RBFOX1: variants seen among roughly 807,000 people sequenced by gnomAD.
RBFOX1 encodes RNA binding protein fox-1 homolog 1.
In RBFOX1, 8 loss-of-function variants were observed where a neutral mutation model predicts 57.7. The ratio of observed to expected loss-of-function variants is 0.14; its 90% CI spans 0.08 to 0.25. The LOEUF (loss-of-function observed/expected upper bound fraction) is 0.25, where lower values mean the gene tolerates loss of function less well. RBFOX1 is among the 10% of genes least tolerant of loss of function. The pLI is 1.00. For missense variants in RBFOX1, 611 were observed against 548.5 expected (o/e 1.11, Z -1.14); for synonymous variants, 326 against 222.4 (o/e 1.47, Z -4.15).
chr16:5,537,245 TC>T (rs2044737367), intron 2 of RBFOX1, among the ~76,000 whole-genome samples: 1 of 152,210 alleles, frequency 6.6e-6, no homozygotes, highest in Non-Finnish European at 1.5e-5. Context: ...GCTTCTTCTG[TC>T]ACGGTTCTCA....
intron 4 of RBFOX1, among the ~76,000 whole-genome samples, chr16:7,387,954 C>T (rs765125586): frequency 6.6e-6 from 1 of 152,108 alleles, no homozygotes; most frequent in Non-Finnish European, 1.5e-5. Flanking sequence ...CAAAGCATCC[C>T]AGAGCTTAAT....
intron 4 of RBFOX1, among the ~76,000 whole-genome samples, chr16:5,956,456 CA>C (rs2059641354): frequency 6.6e-6 from 1 of 151,150 alleles, no homozygotes; most frequent in Non-Finnish European, 1.5e-5. Context: ...TGGGGAGATG[CA>C]AGTTACTGTA....
intron 3 of RBFOX1, among the ~76,000 whole-genome samples, chr16:6,692,760 C>T (rs566067168): frequency 1.3e-5 from 2 of 152,170 alleles, no homozygotes; most frequent in East Asian, 3.9e-4. Context: ...TTCAACCCAC[C>T]TCTGGTATCA....
chr16:6,712,266 A>G (rs939067102), intron 3 of RBFOX1, among the ~76,000 whole-genome samples: 2 of 152,178 alleles, frequency 1.3e-5, no homozygotes, highest in Non-Finnish European at 2.9e-5. Flanking sequence ...TTAAGTGTCA[A>G]TGCCATCAGT....
chr16:7,407,368 G>A (rs2098361442), intron 4 of RBFOX1, among the ~76,000 whole-genome samples: 1 of 96,592 alleles, frequency 1.0e-5, no homozygotes, highest in African/African-American at 3.4e-5. Flanking sequence ...CAAGGGATTT[G>A]TATGGGTGTG....
chr16:7,380,505 T>C (rs1358057993), intron 4 of RBFOX1, among the ~76,000 whole-genome samples: 1 of 152,234 alleles, frequency 6.6e-6, no homozygotes, highest in East Asian at 1.9e-4. Flanking sequence ...ATCTGTCTGG[T>C]AATCATCTTT....
At chr16:7,175,166 C>T (rs1057394294) in intron 4 of RBFOX1, among the ~76,000 whole-genome samples, 2 of 152,030 alleles carry the variant, frequency 1.3e-5, no homozygotes, top group African/African-American at 4.8e-5. Flanking sequence ...GCCCAGCATG[C>T]ATTAGCTCTT....
intron 1 of RBFOX1, among the ~76,000 whole-genome samples, chr16:6,297,514 C>T (rs1476356893): frequency 6.6e-6 from 1 of 152,076 alleles, no homozygotes; most frequent in Non-Finnish European, 1.5e-5. Flanking sequence ...AACCGAGTTT[C>T]CTGATCTGTA....
At chr16:7,430,995 G>C (rs1295965311) in intron 4 of RBFOX1, among the ~76,000 whole-genome samples, 1 of 152,144 alleles carries the variant, frequency 6.6e-6, no homozygotes, top group African/African-American at 2.4e-5. Context: ...ATGTTGTATG[G>C]TAGTTTTGCT....
rs912365694 is a variant in RBFOX1 at position 6,207,319 on chromosome 16, A to G, written c.-126-109676A>G. The stretch of plus-strand genomic sequence containing the variant: ...ATGGCAGTTAATGCAATCTATAGAA[A>G]GCCATAAATGAGGCTGATAAAATTA... On this transcript the variant is annotated intron_variant, in intron 1 of 15. Transcript: ENST00000550418. 2.6e-5 allele frequency among the ~76,000 whole-genome samples: 4 copies of G among 152,346 alleles called. No individual in the cohort carries two copies. The South Asian group carries it at 8.3e-4, about 32-fold the overall frequency.
intron 3 of RBFOX1, among the ~76,000 whole-genome samples, chr16:6,899,693 A>G (rs2067970044): frequency 6.6e-6 from 1 of 152,060 alleles, no homozygotes. Context: ...ATCTCTACAG[A>G]TTTTCTCGCC....
chr16:5,444,285 C>G (rs190741850), intron 1 of RBFOX1, among the ~76,000 whole-genome samples: 76 of 152,298 alleles, frequency 5.0e-4, no homozygotes, highest in Admixed American at 4.7e-3. Context: ...CTTCTGATGA[C>G]CTCATTGCAA....
chr16:7,436,441 G>A (rs1205291842), intron 4 of RBFOX1, among the ~76,000 whole-genome samples: 1 of 152,218 alleles, frequency 6.6e-6, no homozygotes, highest in East Asian at 1.9e-4. Context: ...AATTTGGACA[G>A]TGTCCATCAG....
chr16:6,092,611 A>T (rs755799715), intron 1 of RBFOX1: 5 of 152,192 alleles, frequency 3.3e-5, no homozygotes, highest in African/African-American at 4.8e-5. Context: ...GCATATGGCT[A>T]GTCAGTTATC....
chr16:7,274,838 C>A (rs2095409738), intron 4 of RBFOX1, among the ~76,000 whole-genome samples: 1 of 151,968 alleles, frequency 6.6e-6, no homozygotes, highest in African/African-American at 2.4e-5. Context: ...GTGTGTGCCA[C>A]CACACCTGGC....
At chr16:6,716,867 C>A (rs2064935095) in intron 3 of RBFOX1, among the ~76,000 whole-genome samples, 1 of 152,084 alleles carries the variant, frequency 6.6e-6, no homozygotes, top group African/African-American at 2.4e-5. Flanking sequence ...TGTTTGTATC[C>A]TTCCAAAATC....
chr16:5,747,296 T>C (rs976399545), intron 3 of RBFOX1, among the ~76,000 whole-genome samples: 3 of 152,232 alleles, frequency 2.0e-5, no homozygotes, highest in Admixed American at 2.0e-4. Context: ...CAGTATTTTA[T>C]TGAGGATTTT....
At chr16:5,863,948 G>A (rs1432790762) in intron 3 of RBFOX1, among the ~76,000 whole-genome samples, 1 of 152,110 alleles carries the variant, frequency 6.6e-6, no homozygotes, top group African/African-American at 2.4e-5. Flanking sequence ...ACATATTGCA[G>A]GTTACAAAGG....
rs187211822 is a variant in RBFOX1 at position 5,355,266 on chromosome 16, A to G, written c.220-111950A>G. Among the ~76,000 whole-genome samples, 443 of 152,308 alleles carry G rather than the reference A, an allele frequency of 2.9e-3. 4 individuals carry two copies. Among genetic ancestry groups the G allele is most frequent in the Non-Finnish European group, 3.9e-3 (262 of 68,022 alleles). ...AAATGGCAGATGGCACACTTAGAGCAGGATAGTTCAAGGAAGGTTTCACAA... is the reference window on the plus strand; with the variant it reads ...AAATGGCAGATGGCACACTTAGAGCGGGATAGTTCAAGGAAGGTTTCACAA... On this transcript the variant is annotated intron_variant, in intron 1 of 2. Transcript: ENST00000585867.
Sources: gnomAD v4.1 joint callset for allele counts (sites outside exome capture counted in the v4.1 genomes callset) on GRCh38, gnomAD v4.1.1 for gene constraint, MANE v1.5 for transcripts, NCBI Gene and HGNC (gene_info 2026-07-23, HGNC 2026-07-21) for gene names.